Variants in IFT46 observed in about 807,000 individuals in gnomAD.
The protein encoded by IFT46 is intraflagellar transport protein 46 homolog.
In IFT46, 19 loss-of-function variants were observed where a neutral mutation model predicts 39.6. The observed-to-expected ratio is 0.48, with a 90% CI of 0.33 to 0.70. IFT46 has a LOEUF of 0.70. Ranked by LOEUF, IFT46 falls within the 30% of genes least tolerant of loss-of-function variation. IFT46 has a pLI of 0.01. For synonymous variants in IFT46, 117 were observed against 134.8 expected, an observed-to-expected ratio of 0.87 and a Z score of 0.91; for missense variants, 334 against 364.8, an observed-to-expected ratio of 0.92 and a Z score of 0.69.
upstream of IFT46, among the ~76,000 whole-genome samples, chr11:118,570,784 G>GAGCAC (rs1168046191): frequency 6.6e-6 from 1 of 152,156 alleles, no homozygotes; most frequent in Non-Finnish European, 1.5e-5. Context: ...AAATGGACAT[G>GAGCAC]AGCACAACTG....
chr11:118,575,411 G>GGGGTGTGT (rs141671912), upstream of IFT46, among the ~76,000 whole-genome samples: 5 of 149,084 alleles, frequency 3.4e-5, no homozygotes, highest in East Asian at 3.9e-4. Context: ...ACTGATAACG[G>GGGGTGTGT]GTGTGTGTGT....
rs1328437995 is a variant in IFT46, at chr11:118,551,831, C to T, written c.627G>A (p.Thr209=). The T allele has an allele frequency of 8.7e-6, 14 of 1,613,914 alleles. No individual in the cohort carries two copies. The highest frequency in any genetic ancestry group is 1.2e-5 in the Non-Finnish European group (14 of 1,180,000). ...ACTCCGGGGACCATTCCTGCATCAGCGTGTCAATGTCGGGCATGGGCCTAA... is the reference window on the plus strand; with the variant it reads ...ACTCCGGGGACCATTCCTGCATCAGTGTGTCAATGTCGGGCATGGGCCTAA... The part of the protein sequence containing the change: ...HYTRPMPDID[T]LMQEWSPEFE... The change falls in exon 9 of 12, where the codon ACG becomes ACA. Residue 209 remains threonine (T), a synonymous_variant. Coordinates refer to ENST00000264021, the MANE Select transcript of IFT46 (RefSeq NM_001168618.2).
At chr11:118,576,331 C>G (rs1361006667), upstream of IFT46, among the ~76,000 whole-genome samples, 1 of 140,572 alleles carries the variant, frequency 7.1e-6, no homozygotes, top group Middle Eastern at 4.1e-3. Flanking sequence ...CTGGAGAGAT[C>G]ATCTAACTTA....
At chr11:118,557,768 T>A in intron 3 of IFT46, 1 of 1,614,156 alleles carries the variant, frequency 6.2e-7, no homozygotes, top group African/African-American at 1.3e-5. Context: ...CTCTGTACCA[T>A]CCCACCCTCT....
chr11:118,556,117 A>T (rs1425012714), intron 4 of IFT46, among the ~76,000 whole-genome samples: 2 of 152,108 alleles, frequency 1.3e-5, no homozygotes, highest in Non-Finnish European at 2.9e-5. Context: ...CAAACTCCTG[A>T]GCTCAAGTGA....
Position 118,554,575 on chromosome 11 carries a change from C to A in IFT46, c.367G>T (p.Asp123Tyr). The stretch of plus-strand genomic sequence containing the variant: ...AGGCCAAGGTTGTCAGGCTTTCCAT[C>A]AGGACGTGGGACCTGGTTAAGAAAA... ...IDAFLKVPRPDGKPDNLGLLV... is the reference protein window; with the variant it reads ...IDAFLKVPRPYGKPDNLGLLV... Residue 123 changes from aspartate to tyrosine, a missense_variant, in exon 7 of 12, where the codon GAT (aspartate) becomes TAT (tyrosine). Transcript: ENST00000264021. 2 of 1,606,930 alleles carry A rather than the reference C, an allele frequency of 1.2e-6. No individual in the cohort carries two copies. Among genetic ancestry groups the A allele is most frequent in the South Asian group, 1.1e-5 (1 of 89,464 alleles).
intron 1 of IFT46, chr11:118,572,383 G>A: frequency 7.0e-6 from 2 of 284,546 alleles, no homozygotes; most frequent in South Asian, 2.4e-4. Context: ...CGCCGCTTCC[G>A]GTTGAAGACG....
Position 118,551,807 on chromosome 11 carries a change from C to T in IFT46, c.651G>A (p.Glu217=). The stretch of plus-strand genomic sequence containing the variant: ...TCACCTTGCCCAAAAGCTCTTCAAA[C>T]TCCGGGGACCATTCCTGCATCAGCG... ...IDTLMQEWSP[E]FEELLGKVSL... Residue 217 remains glutamate, a synonymous_variant, in exon 9 of 12, where the codon GAG becomes GAA. Coordinates refer to ENST00000264021, the MANE Select transcript of IFT46 (RefSeq NM_001168618.2). 6.2e-7 allele frequency: 1 copy of T among 1,613,152 alleles called. No homozygotes were observed. The highest frequency in any genetic ancestry group is 8.5e-7 in the Non-Finnish European group (1 of 1,179,468).
At chr11:118,574,388 G>T (rs1005364596), upstream of IFT46, among the ~76,000 whole-genome samples, 1 of 151,918 alleles carries the variant, frequency 6.6e-6, no homozygotes, top group Middle Eastern at 3.2e-3. Flanking sequence ...AATTTCCAGC[G>T]TTTATTTTAG....
Position 118,555,012 on chromosome 11 carries a change from C to T in IFT46, c.332G>A (p.Gly111Glu). The change falls in exon 6 of 12, where the codon GGG becomes GAG. Residue 111 changes from glycine (G) to glutamate (E), a missense_variant. Coordinates refer to ENST00000264021, the MANE Select transcript of IFT46 (RefSeq NM_001168618.2). ...TACCTTTAAGAATGCATCAATATCC[C>T]CGACAGCTGGGATAAAATCAGGAAT... is the stretch of plus-strand genomic sequence containing the variant. ...PFIPDFIPAV[G>E]DIDAFLKVPR... The T allele has an allele frequency of 6.2e-7, 1 of 1,613,382 alleles. No homozygotes were observed. Among genetic ancestry groups the T allele is most frequent in the Non-Finnish European group, 8.5e-7 (1 of 1,179,374 alleles).
At chr11:118,545,041 T>G in intron 11 of IFT46, 30 bp from the exon 12 acceptor site, 3 of 1,383,244 alleles carry the variant, frequency 2.2e-6, no homozygotes, top group Non-Finnish European at 3.1e-6. Context: ...GAATATTGAG[T>G]ATTAGGGATA....
At chr11:118,546,001 T>C (rs1435104606) in intron 9 of IFT46, 148 bp from the exon 10 acceptor site, 1 of 723,146 alleles carries the variant, frequency 1.4e-6, no homozygotes, top group Non-Finnish European at 2.6e-6. Context: ...ATTGAGTTCC[T>C]AACTCCCTGT....
At chr11:118,569,060 C>T (rs371655945), upstream of IFT46, among the ~76,000 whole-genome samples, 171 of 151,838 alleles carry the variant, frequency 1.1e-3, 3 homozygotes, top group East Asian at 0.012. Context: ...GCAGGCAGAT[C>T]ACTTGAGGTT....
chr11:118,554,955 C>T (rs1937776896), intron 6 of IFT46, 35 bp downstream of exon 6: 3 of 1,440,032 alleles, frequency 2.1e-6, no homozygotes, highest in Non-Finnish European at 2.9e-6. Flanking sequence ...AGAAGAAACA[C>T]TTAAGGAGTC....
chr11:118,560,443 A>AGGGG lies in IFT46; in HGVS notation c.-35-580_-35-579insCCCC, dbSNP rs1555070378. On this transcript the variant is annotated intron_variant, in intron 2 of 11. Coordinates refer to ENST00000264021, the MANE Select transcript of IFT46 (RefSeq NM_001168618.2). ...CCTGTCAGAAACGGAATGGGAGGGG[A>AGGGG]AGGGAGGGGAGGGGAGGGGAGGGGA... is the stretch of plus-strand genomic sequence containing the variant. The AGGGG allele has an allele frequency of 5.7e-3, 487 of 85,246 alleles. 23 individuals are homozygous for AGGGG. Among genetic ancestry groups the AGGGG allele is most frequent in the Admixed American group, 0.023 (117 of 5,178 alleles). 5.3% of individuals were successfully genotyped at this position (85,246 alleles called of 1,614,324 possible).
intron 4 of IFT46, among the ~76,000 whole-genome samples, chr11:118,556,350 G>A (rs1440032904): frequency 6.6e-6 from 1 of 152,012 alleles, no homozygotes; most frequent in Admixed American, 6.6e-5. Context: ...AAAATTAGCT[G>A]GGCGTGGTGG....
At chr11:118,568,315 C>A (rs911969264), upstream of IFT46, among the ~76,000 whole-genome samples, 2 of 151,998 alleles carry the variant, frequency 1.3e-5, no homozygotes, top group South Asian at 4.2e-4. Flanking sequence ...TTTGGGAGGC[C>A]GAGGCAGGTG....
In IFT46 at chr11:118,549,524, G is replaced by A. The variant is rs72488013; in HGVS notation, c.672+2262C>T. Among the ~76,000 whole-genome samples the A allele has an allele frequency of 7.3e-4, 105 of 144,636 alleles. 1 individual carries two copies. The East Asian group carries it at 0.015, about 20-fold the overall frequency. The allele number at this position is 144,636 out of a possible 152,430, so 94.9% of individuals were successfully genotyped here. A position where few individuals can be genotyped will look rare whatever the true frequency, so the allele number is the denominator to read the frequency against. On this transcript the variant is annotated intron_variant, in intron 9 of 11. Transcript: ENST00000264021. ...TAAACTGTCACATTTTCTCCATTAT[G>A]ACTTTTTTTTTTTTTTTTTGAGACA... is the stretch of plus-strand genomic sequence containing the variant.
At chr11:118,570,913 AT>A (rs34808807), upstream of IFT46, among the ~76,000 whole-genome samples, 54 of 149,822 alleles carry the variant, frequency 3.6e-4, 1 homozygote, top group South Asian at 6.5e-3. Flanking sequence ...TTCCAGAACT[AT>A]TTTTTTTTTA....
Sources: allele counts gnomAD v4.1 joint callset (sites outside exome capture counted in the v4.1 genomes callset), GRCh38; gene constraint gnomAD v4.1.1; transcripts MANE v1.5; gene names NCBI Gene and HGNC (gene_info 2026-07-23, HGNC 2026-07-21).